CTNNA2: variants seen among roughly 807,000 people sequenced by gnomAD.
The protein encoded by CTNNA2 is catenin alpha-2.
CTNNA2 carries 42 observed loss-of-function variants against 101.0 expected under a neutral mutation model. The observed-to-expected ratio is 0.42, with a 90% CI of 0.32 to 0.54. CTNNA2 has a LOEUF of 0.54. CTNNA2 is among the 20% of genes least tolerant of loss of function. CTNNA2 has a pLI of 0.14. For missense variants in CTNNA2, 871 were observed against 1,223.1 expected (o/e 0.71, Z 4.29); for synonymous variants, 450 against 456.4 (o/e 0.99, Z 0.18).
intron 1 of CTNNA2, among the ~76,000 whole-genome samples, chr2:79,580,928 A>C (rs1676110453): frequency 1.3e-5 from 2 of 152,184 alleles, no homozygotes; most frequent in Admixed American, 6.5e-5. Context: ...TTTAATGTGG[A>C]GTACTTGATT....
intron 2 of CTNNA2, among the ~76,000 whole-genome samples, chr2:79,216,871 C>A (rs764164909): frequency 2.0e-5 from 3 of 152,058 alleles, no homozygotes. Flanking sequence ...GGTGAAGGAC[C>A]AAGGCAGGCA....
At chr2:80,545,735 G>A (rs1692003090) in intron 10 of CTNNA2, among the ~76,000 whole-genome samples, 172 bp from the exon 11 acceptor site, 1 of 152,116 alleles carries the variant, frequency 6.6e-6, no homozygotes, top group Non-Finnish European at 1.5e-5. Flanking sequence ...AAAAATTAAT[G>A]GTAGTTGAAA....
At chr2:79,876,849 C>T (rs1683061318) in intron 6 of CTNNA2, among the ~76,000 whole-genome samples, 1 of 151,900 alleles carries the variant, frequency 6.6e-6, no homozygotes, top group Admixed American at 6.6e-5. Context: ...GTTGTTTTTC[C>T]TGAAGTGATA....
intron 7 of CTNNA2, among the ~76,000 whole-genome samples, chr2:80,071,419 T>C (rs1156657702): frequency 6.6e-6 from 1 of 152,230 alleles, no homozygotes; most frequent in Non-Finnish European, 1.5e-5. Flanking sequence ...TAGATTTGGT[T>C]ACCCATTCAG....
chr2:79,992,608 T>C (rs1692259358), intron 7 of CTNNA2, among the ~76,000 whole-genome samples: 2 of 152,222 alleles, frequency 1.3e-5, no homozygotes, highest in Non-Finnish European at 2.9e-5. Flanking sequence ...GCTGCTATGC[T>C]AAGAGCGTTT....
intron 7 of CTNNA2, among the ~76,000 whole-genome samples, chr2:80,218,469 A>T (rs1213596233): frequency 6.6e-6 from 1 of 152,232 alleles, no homozygotes; most frequent in East Asian, 1.9e-4. Flanking sequence ...CCGATTATTG[A>T]CCAATGTATT....
chr2:79,805,638 A>G lies in CTNNA2; in HGVS notation c.299-52375A>G, dbSNP rs192836658. Among the ~76,000 whole-genome samples the G allele has an allele frequency of 6.8e-4, 104 of 152,220 alleles. No homozygotes were observed. In the Middle Eastern group the frequency reaches 0.01, roughly 15 times the overall value. ...TGTTTTGCTGAGTGCAGTGAAGAGTATTAAGAGATGATAAGTTGGCTGGGC... is the reference window on the plus strand; with the variant it reads ...TGTTTTGCTGAGTGCAGTGAAGAGTGTTAAGAGATGATAAGTTGGCTGGGC... On this transcript the variant is annotated intron_variant, in intron 3 of 18. Coordinates refer to ENST00000402739, the MANE Select transcript of CTNNA2 (RefSeq NM_001282597.3).
At chr2:79,342,615 T>TA (rs1241354150) in intron 3 of CTNNA2, among the ~76,000 whole-genome samples, 106 of 152,344 alleles carry the variant, frequency 7.0e-4, no homozygotes, top group African/African-American at 2.5e-3. Flanking sequence ...GCAATTAGTT[T>TA]ATCTTGAAGA....
At chr2:79,887,197 T>G (rs1299177006) in intron 6 of CTNNA2, among the ~76,000 whole-genome samples, 1 of 151,794 alleles carries the variant, frequency 6.6e-6, no homozygotes, top group Admixed American at 6.6e-5. Flanking sequence ...AGCTGCAGAG[T>G]AGGGAGACAG....
intron 7 of CTNNA2, among the ~76,000 whole-genome samples, chr2:80,114,202 C>T (rs1331167696): frequency 1.3e-5 from 2 of 152,258 alleles, no homozygotes; most frequent in East Asian, 3.9e-4. Context: ...TATCTGGTAA[C>T]TTGTGTTGCT....
Position 80,184,289 on chromosome 2 carries a change from C to A in CTNNA2, c.1057-208922C>A, listed in dbSNP as rs189668632. ...TTAGCATGTCATTGACAGACAGATG[C>A]ATATTTATTTTTGTTTATACATTTA... On this transcript the variant is annotated intron_variant, in intron 7 of 18. Coordinates refer to ENST00000402739, the MANE Select transcript of CTNNA2 (RefSeq NM_001282597.3). 2.6e-4 allele frequency among the ~76,000 whole-genome samples: 39 copies of A among 152,090 alleles called. No individual in the cohort carries two copies. The East Asian group carries it at 7.4e-3, about 29-fold the overall frequency.
In CTNNA2 at chr2:80,019,290, T is replaced by C. The variant is rs1460216801; in HGVS notation, c.1056+109493T>C. Among the ~76,000 whole-genome samples the C allele has an allele frequency of 2.0e-5, 3 of 152,190 alleles. No individual in the cohort carries two copies. In the East Asian group the frequency reaches 5.8e-4, roughly 29 times the overall value. On this transcript the variant is annotated intron_variant, in intron 7 of 18. Transcript: ENST00000402739. ...TTGAATAATTTAAGTTGAGGCATGGTTGAAACCAATAACACAGCAATGGTT... is the reference window on the plus strand; with the variant it reads ...TTGAATAATTTAAGTTGAGGCATGGCTGAAACCAATAACACAGCAATGGTT...
chr2:80,324,616 T>A (rs1393993567), intron 7 of CTNNA2, among the ~76,000 whole-genome samples: 1 of 152,192 alleles, frequency 6.6e-6, no homozygotes, highest in African/African-American at 2.4e-5. Flanking sequence ...CTGATTTACA[T>A]GAAAAGAGAA....
intron 1 of CTNNA2, among the ~76,000 whole-genome samples, chr2:79,619,755 C>T (rs772396502): frequency 1.1e-4 from 17 of 152,144 alleles, no homozygotes; most frequent in Non-Finnish European, 2.5e-4. Context: ...ATCTCACTGA[C>T]TTAAAAGTAG....
At chr2:79,910,365 ACT>A (rs1685702919) in intron 7 of CTNNA2, among the ~76,000 whole-genome samples, 1 of 152,150 alleles carries the variant, frequency 6.6e-6, no homozygotes, top group Admixed American at 6.5e-5. Flanking sequence ...GGTATGTATG[ACT>A]GGTATCTAAT....
At chr2:79,697,592 C>A (rs148928865) in intron 2 of CTNNA2, among the ~76,000 whole-genome samples, 15 of 152,192 alleles carry the variant, frequency 9.9e-5, no homozygotes, top group Admixed American at 3.3e-4. Flanking sequence ...TGGATGGTAA[C>A]TTTTGTGGCA....
chr2:79,255,144 A>G (rs1034813880), intron 2 of CTNNA2, among the ~76,000 whole-genome samples: 2 of 152,210 alleles, frequency 1.3e-5, no homozygotes, highest in Non-Finnish European at 2.9e-5. Context: ...TTAAGATCCC[A>G]GGTAATTTTA....
chr2:80,080,276 A>G (rs1048808211), intron 7 of CTNNA2, among the ~76,000 whole-genome samples: 4 of 152,248 alleles, frequency 2.6e-5, no homozygotes, highest in African/African-American at 9.6e-5. Context: ...TTTAAGACTT[A>G]CAGTGAAGCT....
intron 2 of CTNNA2, among the ~76,000 whole-genome samples, chr2:79,695,706 G>A (rs1684611692): frequency 1.3e-5 from 2 of 152,004 alleles, no homozygotes; most frequent in South Asian, 4.1e-4. Flanking sequence ...AAAAAGGAGG[G>A]GCAGCATGCT....
Sources: gnomAD v4.1 joint callset for allele counts (sites outside exome capture counted in the v4.1 genomes callset) on GRCh38, gnomAD v4.1.1 for gene constraint, MANE v1.5 for transcripts, NCBI Gene and HGNC (gene_info 2026-07-23, HGNC 2026-07-21) for gene names.